The following PRKCE variants were observed in gnomAD, a reference collection of about 807,000 sequenced individuals.
PRKCE encodes the protein protein kinase C epsilon type.
A neutral mutation model predicts 85.4 loss-of-function variants in PRKCE; 16 were observed. That is an observed-to-expected ratio of 0.19 (90% CI 0.13 to 0.28). The LOEUF (loss-of-function observed/expected upper bound fraction) is 0.28, where lower values mean the gene tolerates loss of function less well. Among genes scored for constraint, PRKCE ranks in the 10% least tolerant of loss-of-function variants. The pLI is 1.00. For synonymous variants in PRKCE, 388 were observed against 371.5 expected (o/e 1.04, Z -0.51); for missense variants, 573 against 975.2 (o/e 0.59, Z 5.49).
At chr2:46,079,958 A>C (rs1199253808) in intron 10 of PRKCE, among the ~76,000 whole-genome samples, 1 of 152,174 alleles carries the variant, frequency 6.6e-6, no homozygotes, top group Non-Finnish European at 1.5e-5. Flanking sequence ...TAATTTTATT[A>C]TTTTACTTGC....
At position 45,720,034 on chromosome 2, in the gene PRKCE, A is replaced by G. The variant is rs60453950; in HGVS notation, c.348+67586A>G. Among the ~76,000 whole-genome samples the G allele has an allele frequency of 9.8e-3, 1,496 of 152,282 alleles. 21 individuals carry two copies. Among genetic ancestry groups the G allele is most frequent in the African/African-American group, 0.034 (1,408 of 41,538 alleles). On this transcript the variant is annotated intron_variant, in intron 1 of 14. Coordinates refer to ENST00000306156, the MANE Select transcript of PRKCE (RefSeq NM_005400.3). ...TGTTTGCTGGAGTCCCTTCCCAGTGATCACAGTCCAAGCAGCAGAATCTAA... is the reference window on the plus strand; with the variant it reads ...TGTTTGCTGGAGTCCCTTCCCAGTGGTCACAGTCCAAGCAGCAGAATCTAA...
At position 45,746,389 on chromosome 2, in the gene PRKCE, T is replaced by C. The variant is rs562435356; in HGVS notation, c.348+93941T>C. ...CTCCTGCAGCCTTTCTGGTCCTCAC[T>C]GTTGAGAAGGGCACCTGGCCCATAG... is the stretch of plus-strand genomic sequence containing the variant. On this transcript the variant is annotated intron_variant, in intron 1 of 14. Coordinates refer to ENST00000306156, the MANE Select transcript of PRKCE (RefSeq NM_005400.3). Among the ~76,000 whole-genome samples the C allele has an allele frequency of 3.9e-5, 6 of 152,358 alleles. No homozygotes were observed. The East Asian group carries it at 1.2e-3, about 29-fold the overall frequency.
Position 45,875,945 on chromosome 2 carries a change from G to A in PRKCE, c.412+32882G>A, listed in dbSNP as rs540869397. On this transcript the variant is annotated intron_variant, in intron 2 of 14. Coordinates refer to ENST00000306156, the MANE Select transcript of PRKCE (RefSeq NM_005400.3). ...TAACTTTATTAATAGTGCAGATGAC[G>A]GGTTTTAGAATTTCAAAGTTAAGCT... Among the ~76,000 whole-genome samples, 32 of 152,268 alleles carry A rather than the reference G, an allele frequency of 2.1e-4. No individual in the cohort carries two copies. The Middle Eastern group carries it at 0.014, about 65-fold the overall frequency.
At chr2:46,010,036 C>G (rs892747760) in intron 9 of PRKCE, among the ~76,000 whole-genome samples, 1 of 152,190 alleles carries the variant, frequency 6.6e-6, no homozygotes, top group African/African-American at 2.4e-5. Context: ...ATTGTAGTAA[C>G]TATTAGAATG....
At chr2:45,854,110 C>T (rs1692489447) in intron 2 of PRKCE, among the ~76,000 whole-genome samples, 1 of 152,174 alleles carries the variant, frequency 6.6e-6, no homozygotes, top group South Asian at 2.1e-4. Flanking sequence ...GCCCTGCTTG[C>T]CCCATCTAAG....
At chr2:45,896,344 C>G (rs1696138327) in intron 2 of PRKCE, among the ~76,000 whole-genome samples, 3 of 152,222 alleles carry the variant, frequency 2.0e-5, no homozygotes, top group African/African-American at 4.8e-5. Flanking sequence ...CCTGCTTGTG[C>G]CATTGCACCT....
intron 6 of PRKCE, among the ~76,000 whole-genome samples, chr2:45,994,694 A>G (rs1704079513): frequency 6.6e-6 from 1 of 152,188 alleles, no homozygotes; most frequent in Admixed American, 6.5e-5. Flanking sequence ...CTACTAAAGG[A>G]CATTTTGCTT....
chr2:45,967,980 G>A (rs1701844154), intron 2 of PRKCE, among the ~76,000 whole-genome samples: 1 of 152,104 alleles, frequency 6.6e-6, no homozygotes, highest in Admixed American at 6.6e-5. Flanking sequence ...CACCTGCCTG[G>A]GGAAAGATCC....
At chr2:46,156,953 ACTT>A (rs1304237258) in intron 13 of PRKCE, among the ~76,000 whole-genome samples, 5 of 152,110 alleles carry the variant, frequency 3.3e-5, no homozygotes, top group African/African-American at 9.6e-5. Flanking sequence ...TACAAATATA[ACTT>A]CTTATTTCTT....
In PRKCE at chr2:46,007,597, C is replaced by G. The variant is rs1260447194; in HGVS notation, c.1199C>G (p.Ala400Gly). ...AATGGCGAAGTCCGGCAAGGCCAGG[C>G]CAAGCGCCTGGGCCTGGATGAGTTC... is the stretch of plus-strand genomic sequence containing the variant. The part of the protein sequence containing the change: ...GENGEVRQGQ[A>G]KRLGLDEFNF... Residue 400 changes from alanine (A) to glycine (G), a missense_variant, in exon 9 of 15, where the codon GCC becomes GGC. Around this residue, in one of 11 missense-constraint regions of PRKCE, gnomAD observed 117 missense variants for 104.8 expected, o/e 1.12. Coordinates refer to ENST00000306156, the MANE Select transcript of PRKCE (RefSeq NM_005400.3). 1 of 1,599,782 alleles carries G rather than the reference C, an allele frequency of 6.3e-7. No homozygotes were observed. Among genetic ancestry groups the G allele is most frequent in the Non-Finnish European group, 8.5e-7 (1 of 1,179,966 alleles).
intron 1 of PRKCE, among the ~76,000 whole-genome samples, chr2:45,826,686 T>C (rs1196428392): frequency 6.6e-6 from 1 of 152,180 alleles, no homozygotes; most frequent in Non-Finnish European, 1.5e-5. Flanking sequence ...AACCTGCTCC[T>C]GTTCACCCCA....
intron 2 of PRKCE, among the ~76,000 whole-genome samples, chr2:45,967,844 G>T (rs1701835269): frequency 6.6e-6 from 1 of 152,122 alleles, no homozygotes; most frequent in Admixed American, 6.5e-5. Flanking sequence ...ACTTGTTCAA[G>T]GATATGAGGC....
chr2:45,693,826 G>C (rs1238212313), intron 1 of PRKCE, among the ~76,000 whole-genome samples: 1 of 152,088 alleles, frequency 6.6e-6, no homozygotes, highest in African/African-American at 2.4e-5. Flanking sequence ...TTTTTAGTTA[G>C]GGAGGAAGAT....
At chr2:45,919,312 G>A (rs549514868) in intron 2 of PRKCE, among the ~76,000 whole-genome samples, 11 of 152,344 alleles carry the variant, frequency 7.2e-5, no homozygotes, top group South Asian at 2.1e-4. Flanking sequence ...GGGCTGGGCC[G>A]TGGACTCTGC....
intron 1 of PRKCE, among the ~76,000 whole-genome samples, chr2:45,794,938 G>C (rs1362268628): frequency 6.7e-6 from 1 of 148,460 alleles, no homozygotes; most frequent in Non-Finnish European, 1.5e-5. Context: ...GAGCTAATGA[G>C]AGCAGAGTGA....
chr2:45,912,807 C>T (rs1452477272), intron 2 of PRKCE, among the ~76,000 whole-genome samples: 6 of 152,082 alleles, frequency 3.9e-5, no homozygotes. Flanking sequence ...AGACTTAGTT[C>T]CAGGGTCTGG....
At chr2:45,879,105 G>A (rs1425455299) in intron 2 of PRKCE, among the ~76,000 whole-genome samples, 1 of 152,082 alleles carries the variant, frequency 6.6e-6, no homozygotes, top group African/African-American at 2.4e-5. Flanking sequence ...AAGCACCCTG[G>A]CCCACCCTGC....
intron 10 of PRKCE, among the ~76,000 whole-genome samples, chr2:46,053,953 C>T (rs766719104): frequency 3.9e-5 from 6 of 152,268 alleles, no homozygotes; most frequent in Non-Finnish European, 7.3e-5. Context: ...TGTTTTCCAC[C>T]GCAGCTGTAC....
At chr2:46,134,133 G>C (rs888446920) in intron 11 of PRKCE, among the ~76,000 whole-genome samples, 3 of 152,216 alleles carry the variant, frequency 2.0e-5, no homozygotes, top group African/African-American at 7.2e-5. Context: ...GGAAATGTGT[G>C]TTCACATCAT....
Sources: allele counts gnomAD v4.1 joint callset (sites outside exome capture counted in the v4.1 genomes callset), GRCh38; gene constraint gnomAD v4.1.1; regional missense constraint gnomAD v4.1.1; transcripts MANE v1.5; gene names NCBI Gene and HGNC (gene_info 2026-07-23, HGNC 2026-07-21).